UMAD1: variants seen among roughly 807,000 people sequenced by gnomAD.
UMAD1 encodes the protein UBAP1-MVB12-associated (UMA) domain containing 1, also known as UBAP1-MVB12-associated (UMA)-domain containing protein 1.
UMAD1 carries 8 observed loss-of-function variants against 6.1 expected under a neutral mutation model. The ratio of observed to expected loss-of-function variants is 1.30; its 90% confidence interval spans 0.76 to 2.35. The LOEUF (loss-of-function observed/expected upper bound fraction) is 2.35. Among genes scored for constraint, UMAD1 ranks in the 30% most tolerant of loss-of-function variants. The pLI is 0.00. For missense variants in UMAD1, 130 were observed against 78.4 expected (o/e 1.66, Z -2.49); for synonymous variants, 56 against 31.4 (o/e 1.78, Z -2.61).
intron 2 of UMAD1, among the ~76,000 whole-genome samples, chr7:7,704,766 CAAA>C (rs71011001): frequency 8.5e-3 from 151 of 17,792 alleles, no homozygotes; most frequent in African/African-American, 0.031. Context: ...GACTCCATCT[CAAA>C]AAAAAAAAAA....
At chr7:7,748,545 G>A (rs1781618290) in intron 2 of UMAD1, among the ~76,000 whole-genome samples, 1 of 151,938 alleles carries the variant, frequency 6.6e-6, no homozygotes, top group South Asian at 2.1e-4. Context: ...AGTGAGGAAG[G>A]ACTTATTTTT....
intron 2 of UMAD1, among the ~76,000 whole-genome samples, chr7:7,681,258 C>T (rs1044113976): frequency 6.6e-6 from 1 of 152,086 alleles, no homozygotes; most frequent in South Asian, 2.1e-4. Context: ...AATACCTTTT[C>T]CCCTAGGCAA....
chr7:7,695,509 C>T (rs976889645), intron 2 of UMAD1, among the ~76,000 whole-genome samples: 44 of 152,136 alleles, frequency 2.9e-4, no homozygotes, highest in Admixed American at 2.7e-3. Context: ...TTCCTTGTTA[C>T]TTTCAGGCAT....
intron 2 of UMAD1, among the ~76,000 whole-genome samples, chr7:7,791,441 C>T (rs546562603): frequency 1.5e-4 from 23 of 152,282 alleles, no homozygotes; most frequent in Non-Finnish European, 2.9e-4. Context: ...ACAGCAGCAA[C>T]AACACAAAAT....
At chr7:7,869,846 G>A (rs530893924) in intron 3 of UMAD1, among the ~76,000 whole-genome samples, 3 of 152,308 alleles carry the variant, frequency 2.0e-5, no homozygotes, top group South Asian at 2.1e-4. Context: ...ACCCAAGAGC[G>A]AGGTTCACAA....
At chr7:7,826,313 C>A (rs1413719336) in intron 3 of UMAD1, among the ~76,000 whole-genome samples, 2 of 152,108 alleles carry the variant, frequency 1.3e-5, no homozygotes, top group African/African-American at 4.8e-5. Context: ...TCTCTTTCTG[C>A]ATCACCACCT....
chr7:7,822,367 T>G (rs114675118), intron 3 of UMAD1, among the ~76,000 whole-genome samples: 2,349 of 152,122 alleles, frequency 0.015, 58 homozygotes, highest in African/African-American at 0.053. Flanking sequence ...GGTAGTAAGT[T>G]AATCTTGTTC....
At chr7:7,664,678 A>G (rs1779392496) in intron 1 of UMAD1, among the ~76,000 whole-genome samples, 1 of 152,184 alleles carries the variant, frequency 6.6e-6, no homozygotes. Context: ...ACTCAAGGCT[A>G]CCTAGTCTGC....
At chr7:7,740,733 C>G (rs1022627790) in intron 2 of UMAD1, 1 of 152,182 alleles carries the variant, frequency 6.6e-6, no homozygotes, top group African/African-American at 2.4e-5. Flanking sequence ...TTCTTTGGAC[C>G]TTATCCAGCA....
At position 7,682,399 on chromosome 7, in the gene UMAD1, C is replaced by T. The variant is rs1779933618; in HGVS notation, c.82+8946C>T. On this transcript the variant is annotated intron_variant, in intron 2 of 3. Coordinates refer to ENST00000682710, the MANE Select transcript of UMAD1 (RefSeq NM_001302348.2). ...CCTATGGAATTCCTCATTCTGGGAA[C>T]CAAACCACATATACATACTTCATTT... is the stretch of plus-strand genomic sequence containing the variant. Among the ~76,000 whole-genome samples, 3 of 152,232 alleles carry T rather than the reference C, an allele frequency of 2.0e-5. 1 individual carries two copies. The highest frequency in any genetic ancestry group is 3.4e-3 in the Middle Eastern group (1 of 294).
At chr7:7,797,713 A>G (rs1247147688) in intron 2 of UMAD1, among the ~76,000 whole-genome samples, 7 of 148,536 alleles carry the variant, frequency 4.7e-5, no homozygotes, top group Non-Finnish European at 8.9e-5. Context: ...TTTTGAGACG[A>G]GGTCTCACTC....
At chr7:7,849,358 G>A (rs1273084647) in intron 3 of UMAD1, among the ~76,000 whole-genome samples, 1 of 152,160 alleles carries the variant, frequency 6.6e-6, no homozygotes, top group African/African-American at 2.4e-5. Context: ...CACACAAATG[G>A]GGAGCTGTTA....
intron 2 of UMAD1, among the ~76,000 whole-genome samples, chr7:7,776,993 C>T (rs1340882759): frequency 2.6e-5 from 4 of 152,092 alleles, no homozygotes; most frequent in East Asian, 1.9e-4. Context: ...ATCTTTTTAC[C>T]CTCCTCCATG....
chr7:7,851,593 A>T (rs185406207), intron 3 of UMAD1, among the ~76,000 whole-genome samples: 1 of 152,196 alleles, frequency 6.6e-6, no homozygotes, highest in Admixed American at 6.5e-5. Context: ...GATTATAACC[A>T]TCCTGCTGGG....
chr7:7,761,092 C>A (rs566421350), intron 2 of UMAD1, among the ~76,000 whole-genome samples: 2 of 152,194 alleles, frequency 1.3e-5, no homozygotes, highest in East Asian at 3.9e-4. Flanking sequence ...CAGCTGGGCA[C>A]GGTGGCTGAC....
chr7:7,805,178 C>A (rs1165762080), intron 3 of UMAD1, among the ~76,000 whole-genome samples: 3 of 152,060 alleles, frequency 2.0e-5, no homozygotes, highest in East Asian at 3.9e-4. Context: ...GACTCTGTAC[C>A]CAACTGCCTA....
At chr7:7,865,704 C>T (rs1784213316) in intron 3 of UMAD1, among the ~76,000 whole-genome samples, 1 of 152,184 alleles carries the variant, frequency 6.6e-6, no homozygotes, top group African/African-American at 2.4e-5. Flanking sequence ...TGTCCATTGT[C>T]CCCAAGCATA....
intron 2 of UMAD1, chr7:7,742,329 A>T: frequency 1.6e-6 from 1 of 616,962 alleles, no homozygotes; most frequent in Non-Finnish European, 3.1e-6. Context: ...TTGATAGTGT[A>T]GTGGTTAAGC....
At chr7:7,836,039 C>G (rs1783562150) in intron 3 of UMAD1, among the ~76,000 whole-genome samples, 1 of 151,904 alleles carries the variant, frequency 6.6e-6, no homozygotes, top group Admixed American at 6.6e-5. Context: ...CACGGTCTTG[C>G]TATTTTATGG....
Sources: gnomAD v4.1 joint callset for allele counts (sites outside exome capture counted in the v4.1 genomes callset) on GRCh38, gnomAD v4.1.1 for gene constraint, MANE v1.5 for transcripts, NCBI Gene and HGNC (gene_info 2026-07-23, HGNC 2026-07-21) for gene names.